Variants in FAH observed in about 807,000 individuals in gnomAD.
FAH encodes fumarylacetoacetase.
A neutral mutation model predicts 55.8 loss-of-function variants in FAH; 47 were observed. That is an observed-to-expected ratio of 0.84 (90% confidence interval 0.67 to 1.07). The LOEUF (loss-of-function observed/expected upper bound fraction) is 1.07. Among genes scored for constraint, FAH ranks in the 50% least tolerant of loss-of-function variants. The probability of loss-of-function intolerance (pLI) is 0.00; values close to 1 mark genes in which losing one functional copy is unlikely to be tolerated. For synonymous variants in FAH, 199 were observed against 207.7 expected (o/e 0.96, Z 0.36); for missense variants, 495 against 545.9 (o/e 0.91, Z 0.93).
chr15:80,169,596 C>T (rs1331485846), intron 7 of FAH, among the ~76,000 whole-genome samples: 2 of 151,822 alleles, frequency 1.3e-5, no homozygotes, highest in East Asian at 4.0e-4. Context: ...TGCAGTGGCA[C>T]TATCTCGGCT....
At chr15:80,153,838 G>C (rs763833559) in intron 1 of FAH, among the ~76,000 whole-genome samples, 4 of 152,224 alleles carry the variant, frequency 2.6e-5, no homozygotes, top group African/African-American at 4.8e-5. Context: ...TGGAAAAGCA[G>C]ATTCCCTTGG....
At chr15:80,162,391 G>A (rs1400369771) in intron 5 of FAH, 55 bp downstream of exon 5, 1 of 1,497,866 alleles carries the variant, frequency 6.7e-7, no homozygotes, top group African/African-American at 1.4e-5. Flanking sequence ...TTCATTTCCA[G>A]CAGCATATTT....
chr15:80,153,817 G>C (rs112329706), intron 1 of FAH, among the ~76,000 whole-genome samples: 3 of 152,150 alleles, frequency 2.0e-5, no homozygotes, highest in Non-Finnish European at 2.9e-5. Context: ...ATAATAAGAG[G>C]TTCCCTAGGT....
intron 7 of FAH, among the ~76,000 whole-genome samples, chr15:80,169,105 G>A (rs574713823): frequency 1.1e-4 from 16 of 152,206 alleles, no homozygotes; most frequent in Admixed American, 4.6e-4. Flanking sequence ...TTACCTGGCC[G>A]GGTGTGGTGG....
chr15:80,170,204 G>T (rs143083957), intron 7 of FAH, among the ~76,000 whole-genome samples: 11 of 152,260 alleles, frequency 7.2e-5, no homozygotes, highest in African/African-American at 2.7e-4. Flanking sequence ...GTCAGTCTCC[G>T]TGTGGGAAAT....
chr15:80,152,831 C>A, upstream of FAH: 1 of 398,696 alleles, frequency 2.5e-6, no homozygotes, highest in South Asian at 2.3e-5. Context: ...CTGGAGCTGG[C>A]GGGGGTCAGG....
chr15:80,173,918 C>T (rs7165316), intron 9 of FAH, among the ~76,000 whole-genome samples: 2,606 of 152,300 alleles, frequency 0.017, 71 homozygotes, highest in African/African-American at 0.059. Context: ...GAGCATCTCA[C>T]CACGCATTTG....
intron 13 of FAH, among the ~76,000 whole-genome samples, chr15:80,182,579 G>T (rs1423903598): frequency 6.6e-6 from 1 of 152,186 alleles, no homozygotes; most frequent in East Asian, 1.9e-4. Context: ...CTGAACATCT[G>T]CTAGGAGCCA....
chr15:80,179,431 A>G (rs1277709971), intron 11 of FAH, among the ~76,000 whole-genome samples: 1 of 152,208 alleles, frequency 6.6e-6, no homozygotes, highest in Non-Finnish European at 1.5e-5. Flanking sequence ...CTCGTGGGCA[A>G]GAATCCATCT....
rs567587933 is a variant in FAH, at chr15:80,159,863, C to A, written c.300C>A (p.Thr100=). 6.2e-7 allele frequency: 1 copy of A among 1,614,192 alleles called. No homozygotes were observed. The highest frequency in any genetic ancestry group is 2.2e-5 in the East Asian group (1 of 44,894). Reference sequence around the variant, plus strand: ...GCCAAGCCAGGCTCAGAGATGACACCGAACTTCGGAAGTGGTGAGAAGCAC... The same window carrying A: ...GCCAAGCCAGGCTCAGAGATGACACAGAACTTCGGAAGTGGTGAGAAGCAC... ...SVSQARLRDD[T]ELRKCAFISQ... The change falls in exon 3 of 14, where the codon ACC becomes ACA. Residue 100 remains threonine, a synonymous_variant. Transcript: ENST00000561421.
chr15:80,153,705 C>T (rs2041074622), intron 1 of FAH, among the ~76,000 whole-genome samples: 1 of 152,096 alleles, frequency 6.6e-6, no homozygotes, highest in African/African-American at 2.4e-5. Context: ...CATTCCCCTA[C>T]TGATCAGAAG....
intron 1 of FAH, among the ~76,000 whole-genome samples, chr15:80,153,882 C>T (rs1231444570): frequency 6.6e-6 from 1 of 152,220 alleles, no homozygotes; most frequent in African/African-American, 2.4e-5. Flanking sequence ...TAGATTTCTG[C>T]TCCCAACTTT....
At chr15:80,186,097 T>G in intron 13 of FAH, 33 bp from the exon 14 acceptor site, 1 of 1,601,062 alleles carries the variant, frequency 6.2e-7, no homozygotes, top group Non-Finnish European at 8.6e-7. Context: ...GCCCAGCAAC[T>G]TTGTGACTGA....
intron 5 of FAH, chr15:80,163,744 AC>A (rs1461315820): frequency 6.6e-6 from 1 of 152,366 alleles, no homozygotes; most frequent in East Asian, 1.9e-4. Context: ...CTACTCTTTG[AC>A]CTGCAATGCT....
intron 11 of FAH, among the ~76,000 whole-genome samples, chr15:80,179,542 T>G (rs948279435): frequency 6.6e-6 from 1 of 152,144 alleles, no homozygotes; most frequent in African/African-American, 2.4e-5. Flanking sequence ...AGCGTCTCGG[T>G]GGGCACGTGG....
chr15:80,177,683 A>G, intron 11 of FAH, 100 bp downstream of exon 11: 1 of 1,142,262 alleles, frequency 8.8e-7, no homozygotes, highest in East Asian at 2.3e-5. Flanking sequence ...TTGGGATATG[A>G]TGATGGGTCA....
At position 80,168,182 on chromosome 15, in the gene FAH, A is replaced by G. The variant is rs1545119; in HGVS notation, c.553+33A>G. Reference sequence around the variant, plus strand: ...ACCGCAGCGTCCAGGCCTTGCTGGTACCCAGCTCTCTGTTCCCACACAGAG... The same window carrying G: ...ACCGCAGCGTCCAGGCCTTGCTGGTGCCCAGCTCTCTGTTCCCACACAGAG... On this transcript the variant is annotated intron_variant, in intron 6 of 13. Transcript: ENST00000561421. 0.73 allele frequency: 1,171,739 copies of G among 1,610,242 alleles called. 428,100 individuals carry two copies. The highest frequency in any genetic ancestry group is 0.88 in the East Asian group (39,597 of 44,822).
At chr15:80,168,813 A>G (rs1318307953) in intron 7 of FAH, among the ~76,000 whole-genome samples, 2 of 152,212 alleles carry the variant, frequency 1.3e-5, no homozygotes, top group African/African-American at 4.8e-5. Context: ...CTAGCACAGG[A>G]AGACTGTGAC....
Position 80,158,177 on chromosome 15 carries a change from C to T in FAH, c.192+7C>T. 1 of 1,590,106 alleles carries T rather than the reference C, an allele frequency of 6.3e-7. No homozygotes were observed. The highest frequency in any genetic ancestry group is 8.6e-7 in the Non-Finnish European group (1 of 1,157,988). On this transcript the variant is annotated splice_region_variant and intron_variant, in intron 2 of 13. Transcript: ENST00000561421. ...CCAGGATGTCTTCAATCAGGTAGGACATTGTGAAACGACTTGTCCCTGACC... is the reference window on the plus strand; with the variant it reads ...CCAGGATGTCTTCAATCAGGTAGGATATTGTGAAACGACTTGTCCCTGACC...
Sources: allele counts gnomAD v4.1 joint callset (sites outside exome capture counted in the v4.1 genomes callset), GRCh38; gene constraint gnomAD v4.1.1; transcripts MANE v1.5; gene names NCBI Gene and HGNC (gene_info 2026-07-23, HGNC 2026-07-21).